SCML4: variants seen among roughly 807,000 people sequenced by gnomAD.
SCML4 encodes the protein Scm polycomb group protein like 4.
SCML4 carries 34 observed loss-of-function variants against 41.1 expected under a neutral mutation model. That is an observed-to-expected ratio of 0.83 (90% CI 0.63 to 1.10). The LOEUF (loss-of-function observed/expected upper bound fraction) is 1.10. Ranked by LOEUF, SCML4 falls within the 50% of genes least tolerant of loss-of-function variation. The pLI, the probability that SCML4 is intolerant of heterozygous loss-of-function variation, is 0.00. For synonymous variants in SCML4, 214 were observed against 220.9 expected (o/e 0.97, Z 0.28); for missense variants, 522 against 534.1 (o/e 0.98, Z 0.22).
At chr6:107,745,918 G>A (rs948442735) in intron 4 of SCML4, 2 of 152,216 alleles carry the variant, frequency 1.3e-5, no homozygotes, top group Non-Finnish European at 2.9e-5. Flanking sequence ...GCTTGAGCCC[G>A]GAAGATCGAG....
At chr6:107,764,262 T>C (rs1415468951) in intron 2 of SCML4, among the ~76,000 whole-genome samples, 1 of 152,250 alleles carries the variant, frequency 6.6e-6, no homozygotes, top group Non-Finnish European at 1.5e-5. Context: ...ACCCAAGAGA[T>C]GGAAGGGCTG....
chr6:107,727,878 A>G (rs1350147890), intron 5 of SCML4, among the ~76,000 whole-genome samples: 1 of 152,240 alleles, frequency 6.6e-6, no homozygotes, highest in Non-Finnish European at 1.5e-5. Flanking sequence ...TGGGATACCA[A>G]TCCTTTTTGT....
At chr6:107,834,887 G>C in the SCML4 span, among the ~76,000 whole-genome samples, 2 of 151,532 alleles carry the variant, frequency 1.3e-5, no homozygotes, top group South Asian at 2.1e-4. Flanking sequence ...GCAGTGAGCT[G>C]TGAATATGCC....
chr6:107,794,944 A>G (rs539821910), intron 1 of SCML4, among the ~76,000 whole-genome samples: 103 of 152,182 alleles, frequency 6.8e-4, no homozygotes, highest in African/African-American at 2.3e-3. Flanking sequence ...TTCTCTCTCT[A>G]TGTGTCTCTG....
At chr6:107,831,988 G>A in the SCML4 span, among the ~76,000 whole-genome samples, 19 of 152,046 alleles carry the variant, frequency 1.2e-4, no homozygotes, top group East Asian at 3.1e-3. Context: ...GCGTGAACCC[G>A]GGAGGTGGAG....
chr6:107,782,386 C>T (rs1358504883), intron 1 of SCML4, among the ~76,000 whole-genome samples: 1 of 152,198 alleles, frequency 6.6e-6, no homozygotes, highest in Admixed American at 6.5e-5. Context: ...CTCAAGGGAG[C>T]ATGAGAAGGG....
At chr6:107,715,796 CT>C (rs1396911629) in intron 6 of SCML4, among the ~76,000 whole-genome samples, 4 of 152,240 alleles carry the variant, frequency 2.6e-5, no homozygotes, top group African/African-American at 9.6e-5. Context: ...ACCCTTCTGC[CT>C]GCAGCCTCAT....
At chr6:107,837,802 C>T in the SCML4 span, among the ~76,000 whole-genome samples, 1 of 152,086 alleles carries the variant, frequency 6.6e-6, no homozygotes, top group South Asian at 2.1e-4. Context: ...CCTCCAGTTG[C>T]AACTGACCCT....
At chr6:107,795,621 G>C (rs571360241) in intron 1 of SCML4, among the ~76,000 whole-genome samples, 2 of 151,966 alleles carry the variant, frequency 1.3e-5, no homozygotes, top group Admixed American at 1.3e-4. Flanking sequence ...TCCACTTCCC[G>C]GGTTCAAGTG....
At chr6:107,731,252 A>G (rs1162972863) in intron 5 of SCML4, among the ~76,000 whole-genome samples, 1 of 152,214 alleles carries the variant, frequency 6.6e-6, no homozygotes, top group African/African-American at 2.4e-5. Flanking sequence ...CTTAGGACAC[A>G]AGGCTTAACT....
chr6:107,799,978 T>C (rs1480045209), intron 1 of SCML4, among the ~76,000 whole-genome samples: 1 of 151,840 alleles, frequency 6.6e-6, no homozygotes. Context: ...TTTTTTTTTT[T>C]CTAGTATTGA....
At chr6:107,814,293 G>C (rs966345293) in intron 1 of SCML4, among the ~76,000 whole-genome samples, 8 of 152,234 alleles carry the variant, frequency 5.3e-5, no homozygotes, top group Admixed American at 2.6e-4. Flanking sequence ...TCAAGTGGCA[G>C]GTCAGACTGG....
At chr6:107,819,999 ATC>A (rs1784826657) in intron 1 of SCML4, among the ~76,000 whole-genome samples, 1 of 152,212 alleles carries the variant, frequency 6.6e-6, no homozygotes, top group Admixed American at 6.5e-5. Context: ...GAGGTGTTTT[ATC>A]TCCTCCGCGG....
At chr6:107,820,711 T>C (rs187835538) in intron 1 of SCML4, among the ~76,000 whole-genome samples, 2 of 152,220 alleles carry the variant, frequency 1.3e-5, no homozygotes, top group East Asian at 3.9e-4. Flanking sequence ...AGCCAGGGCG[T>C]TCGGACTTGG....
At chr6:107,747,748 T>C (rs1251525723) in intron 3 of SCML4, among the ~76,000 whole-genome samples, 1 of 152,168 alleles carries the variant, frequency 6.6e-6, no homozygotes, top group Non-Finnish European at 1.5e-5. Context: ...ATATAAATCC[T>C]TTTTTAGCAG....
chr6:107,704,989 G>T lies in SCML4; in HGVS notation c.*211C>A. ...AATCACAGGCTTTTGTAATTTTTTGGCAAATTATGAACACAGAGGAGCCTC... is the reference window on the plus strand; with the variant it reads ...AATCACAGGCTTTTGTAATTTTTTGTCAAATTATGAACACAGAGGAGCCTC... On this transcript the variant is annotated 3_prime_UTR_variant, in exon 8 of 8. Coordinates refer to ENST00000369020, the MANE Select transcript of SCML4 (RefSeq NM_198081.5). The T allele has an allele frequency of 1.6e-6, 1 of 610,050 alleles. No homozygotes were observed. Among genetic ancestry groups the T allele is most frequent in the Non-Finnish European group, 2.9e-6 (1 of 347,182 alleles). 37.8% of individuals were successfully genotyped at this position (610,050 alleles called of 1,614,324 possible). A position where few individuals can be genotyped will look rare whatever the true frequency, so the allele number is the denominator to read the frequency against.
intron 5 of SCML4, among the ~76,000 whole-genome samples, chr6:107,740,761 G>C (rs1469308698): frequency 6.6e-6 from 1 of 152,232 alleles, no homozygotes; most frequent in Non-Finnish European, 1.5e-5. Flanking sequence ...GTGCAGGTGA[G>C]AGATGGTAGG....
At chr6:107,828,504 C>G (rs994511465), upstream of SCML4, among the ~76,000 whole-genome samples, 17 of 152,176 alleles carry the variant, frequency 1.1e-4, no homozygotes, top group Admixed American at 5.9e-4. Context: ...TGTCCTTTCT[C>G]TCATTAGGAT....
intron 1 of SCML4, among the ~76,000 whole-genome samples, chr6:107,815,902 G>T (rs1784523515): frequency 1.3e-5 from 2 of 152,192 alleles, no homozygotes; most frequent in Admixed American, 1.3e-4. Context: ...ATTTTCTATG[G>T]ATCAAAAATG....
Sources: gnomAD v4.1 joint callset for allele counts (sites outside exome capture counted in the v4.1 genomes callset) on GRCh38, gnomAD v4.1.1 for gene constraint, MANE v1.5 for transcripts, NCBI Gene and HGNC (gene_info 2026-07-23, HGNC 2026-07-21) for gene names.